GPM6A: variants seen among roughly 807,000 people sequenced by gnomAD.
GPM6A encodes glycoprotein M6A, also known as neuronal membrane glycoprotein M6-a.
A neutral mutation model predicts 32.1 loss-of-function variants in GPM6A; 7 were observed. The observed-to-expected ratio is 0.22, with a 90% CI of 0.12 to 0.41. The LOEUF (loss-of-function observed/expected upper bound fraction) is 0.41. Among genes scored for constraint, GPM6A ranks in the 10% least tolerant of loss-of-function variants. The pLI is 1.00. For missense variants in GPM6A, 235 were observed against 347.2 expected (o/e 0.68, Z 2.57); for synonymous variants, 130 against 123.4 (o/e 1.05, Z -0.35).
At chr4:175,775,367 AAG>A (rs1243785201) in intron 1 of GPM6A, among the ~76,000 whole-genome samples, 1 of 152,144 alleles carries the variant, frequency 6.6e-6, no homozygotes, top group Non-Finnish European at 1.5e-5. Context: ...CTCTGTTTTG[AAG>A]ATATAAAAAG....
intron 1 of GPM6A, among the ~76,000 whole-genome samples, chr4:175,782,651 CA>C (rs1733656518): frequency 6.6e-6 from 1 of 152,044 alleles, no homozygotes; most frequent in South Asian, 2.1e-4. Flanking sequence ...AAACACAAGT[CA>C]TGGAAATTAC....
intron 1 of GPM6A, among the ~76,000 whole-genome samples, chr4:175,707,695 G>A (rs1221630987): frequency 6.6e-6 from 1 of 151,554 alleles, no homozygotes; most frequent in African/African-American, 2.4e-5. Context: ...TACGCTATTG[G>A]ATAAAATACA....
At chr4:175,857,702 G>T (rs1736456921) in intron 1 of GPM6A, among the ~76,000 whole-genome samples, 1 of 151,204 alleles carries the variant, frequency 6.6e-6, no homozygotes, top group African/African-American at 2.4e-5. Context: ...GGAATAAAAA[G>T]AAACTCTCTC....
intron 1 of GPM6A, among the ~76,000 whole-genome samples, chr4:175,984,820 T>G (rs1017848822): frequency 3.3e-5 from 5 of 152,176 alleles, no homozygotes; most frequent in Admixed American, 2.6e-4. Context: ...GTAAAATAAT[T>G]TATTCATTGT....
chr4:175,884,888 A>G (rs944281503), intron 1 of GPM6A, among the ~76,000 whole-genome samples: 4 of 152,190 alleles, frequency 2.6e-5, no homozygotes, highest in African/African-American at 9.7e-5. Context: ...AATGTTTTTA[A>G]AAATCTACTG....
At chr4:175,885,842 C>A (rs1043901623) in intron 1 of GPM6A, among the ~76,000 whole-genome samples, 2 of 152,064 alleles carry the variant, frequency 1.3e-5, no homozygotes, top group Non-Finnish European at 1.5e-5. Flanking sequence ...AGGATTTGCA[C>A]ATTTTAGATA....
intron 1 of GPM6A, among the ~76,000 whole-genome samples, chr4:175,931,199 CTAT>C (rs1241139854): frequency 6.6e-6 from 1 of 152,052 alleles, no homozygotes; most frequent in Admixed American, 6.6e-5. Flanking sequence ...TGAATAATAA[CTAT>C]TATTGTGCCC....
At position 175,722,468 on chromosome 4, in the gene GPM6A, A is replaced by G. The variant is rs547830285; in HGVS notation, c.38-20701T>C. On this transcript the variant is annotated intron_variant, in intron 1 of 6. Transcript: ENST00000393658. ...TCATTTTGCAATCTTAAGCTCCCGC[A>G]GTAAGATCCATAAATACCCCTAAGG... 7.5e-4 allele frequency among the ~76,000 whole-genome samples: 114 copies of G among 152,296 alleles called. 2 individuals are homozygous for G. The Middle Eastern group carries it at 0.031, about 41-fold the overall frequency.
upstream of GPM6A, chr4:175,812,376 C>A (rs1362292898): frequency 7.5e-7 from 1 of 1,327,844 alleles, no homozygotes; most frequent in African/African-American, 1.7e-5. Flanking sequence ...TTGGGCAAGT[C>A]CTCAGAGCTT....
At chr4:175,795,310 T>C (rs1453009315) in intron 1 of GPM6A, among the ~76,000 whole-genome samples, 1 of 152,226 alleles carries the variant, frequency 6.6e-6, no homozygotes, top group Non-Finnish European at 1.5e-5. Context: ...GGCAGCCTCT[T>C]CGAAGGCACT....
intron 1 of GPM6A, among the ~76,000 whole-genome samples, chr4:175,883,959 A>G (rs1426818358): frequency 6.6e-6 from 1 of 152,214 alleles, no homozygotes; most frequent in East Asian, 1.9e-4. Context: ...ATATTTGAAA[A>G]TGTATAAAAT....
chr4:175,651,087 T>C (rs948964604), intron 4 of GPM6A, among the ~76,000 whole-genome samples: 4 of 152,146 alleles, frequency 2.6e-5, no homozygotes, highest in Non-Finnish European at 5.9e-5. Flanking sequence ...TCAACCTGCG[T>C]TGCCCGTGTT....
chr4:175,732,462 T>C (rs1233848680), intron 1 of GPM6A, among the ~76,000 whole-genome samples: 1 of 152,162 alleles, frequency 6.6e-6, no homozygotes, highest in Non-Finnish European at 1.5e-5. Context: ...AGTATGTGTG[T>C]ATATGGATGT....
chr4:175,653,506 T>A (rs960647478), intron 3 of GPM6A, among the ~76,000 whole-genome samples: 2 of 152,144 alleles, frequency 1.3e-5, no homozygotes, highest in African/African-American at 4.8e-5. Context: ...TTTATACATC[T>A]AAGATGAAAC....
upstream of GPM6A, among the ~76,000 whole-genome samples, chr4:175,814,131 G>T (rs1381104118): frequency 2.6e-5 from 4 of 152,188 alleles, no homozygotes; most frequent in Non-Finnish European, 4.4e-5. Context: ...TTATACCATG[G>T]AAATCATTAG....
chr4:175,766,314 G>C (rs1732963756), intron 1 of GPM6A, among the ~76,000 whole-genome samples: 1 of 152,036 alleles, frequency 6.6e-6, no homozygotes, highest in African/African-American at 2.4e-5. Flanking sequence ...AACACAAAAG[G>C]GTTAGAAAGG....
intron 2 of GPM6A, among the ~76,000 whole-genome samples, chr4:175,678,163 A>G (rs1393561214): frequency 6.6e-6 from 1 of 152,178 alleles, no homozygotes; most frequent in Non-Finnish European, 1.5e-5. Flanking sequence ...TAAGGCAAAG[A>G]ACATATGGAA....
chr4:176,001,263 G>A (rs999204860), intron 1 of GPM6A, among the ~76,000 whole-genome samples: 5 of 152,198 alleles, frequency 3.3e-5, no homozygotes, highest in African/African-American at 1.2e-4. Flanking sequence ...AAGCAAGGGG[G>A]AGGGGCGCCC....
At chr4:175,741,439 G>A (rs184406020) in intron 1 of GPM6A, among the ~76,000 whole-genome samples, 2 of 151,966 alleles carry the variant, frequency 1.3e-5, no homozygotes, top group South Asian at 2.1e-4. Flanking sequence ...TAGTTTTAAC[G>A]TATGTATCTG....
Sources: gnomAD v4.1 joint callset for allele counts (sites outside exome capture counted in the v4.1 genomes callset) on GRCh38, gnomAD v4.1.1 for gene constraint, MANE v1.5 for transcripts, NCBI Gene and HGNC (gene_info 2026-07-23, HGNC 2026-07-21) for gene names.